NEK11: variants seen among roughly 807,000 people sequenced by gnomAD.
The protein encoded by NEK11 is NIMA related kinase 11.
Under a neutral mutation model 80.7 loss-of-function variants are expected in NEK11, and 72 were observed. That is an observed-to-expected ratio of 0.89 (90% confidence interval 0.74 to 1.08). The LOEUF (loss-of-function observed/expected upper bound fraction) is 1.08, where lower values mean the gene tolerates loss of function less well. NEK11 is among the 50% of genes least tolerant of loss of function. NEK11 has a pLI of 0.00. For missense variants in NEK11, 764 were observed against 763.6 expected (o/e 1.00, Z -0.01); for synonymous variants, 251 against 260.7 (o/e 0.96, Z 0.36).
chr3:131,123,682 C>G (rs2082778884), intron 5 of NEK11, among the ~76,000 whole-genome samples: 1 of 151,816 alleles, frequency 6.6e-6, no homozygotes, highest in Non-Finnish European at 1.5e-5. Context: ...TTCTGCTTGT[C>G]TAGTCTAGGT....
chr3:131,308,793 CT>C (rs1234605697), intron 17 of NEK11, among the ~76,000 whole-genome samples: 1 of 151,414 alleles, frequency 6.6e-6, no homozygotes, highest in Non-Finnish European at 1.5e-5. Context: ...CTGTCCCTGA[CT>C]TTTTTGACAC....
Position 131,339,180 on chromosome 3 carries a change from T to G in NEK11, c.1719-10377T>G, listed in dbSNP as rs866282550. Among the ~76,000 whole-genome samples, 15 of 152,328 alleles carry G rather than the reference T, an allele frequency of 9.8e-5. 1 individual carries two copies. The Middle Eastern group carries it at 0.01, about 104-fold the overall frequency. ...AGAATTTGCTTACTCAGATATTATT[T>G]TTAAAAGGAGTGAAATTCATGACTC... is the stretch of plus-strand genomic sequence containing the variant. On this transcript the variant is annotated intron_variant, in intron 17 of 17. Transcript: ENST00000383366.
chr3:131,158,481 C>T (rs1381840685), intron 10 of NEK11, among the ~76,000 whole-genome samples: 2 of 152,306 alleles, frequency 1.3e-5, no homozygotes, highest in African/African-American at 2.4e-5. Context: ...CTACCAGCAC[C>T]CTGCCCCTGT....
At chr3:131,229,909 A>G (rs1014893665) in intron 15 of NEK11, among the ~76,000 whole-genome samples, 5 of 152,086 alleles carry the variant, frequency 3.3e-5, no homozygotes, top group Admixed American at 1.3e-4. Flanking sequence ...CAAAATAAAA[A>G]CTTAGCTTAT....
At chr3:131,341,707 TTTC>T (rs1201821689) in intron 17 of NEK11, among the ~76,000 whole-genome samples, 2 of 152,212 alleles carry the variant, frequency 1.3e-5, no homozygotes, top group Non-Finnish European at 2.9e-5. Context: ...GAATTCTTTT[TTTC>T]TTCTTTGTGA....
At chr3:131,166,563 C>T (rs774514299) in intron 12 of NEK11, among the ~76,000 whole-genome samples, 1 of 152,242 alleles carries the variant, frequency 6.6e-6, no homozygotes, top group African/African-American at 2.4e-5. Context: ...TTTCAGGAGT[C>T]TTCCTCTGTT....
intron 16 of NEK11, among the ~76,000 whole-genome samples, chr3:131,249,153 G>A (rs2095656473): frequency 6.6e-6 from 1 of 152,012 alleles, no homozygotes; most frequent in African/African-American, 2.4e-5. Context: ...AAGAGGAGAT[G>A]GAAGCAGATG....
chr3:131,177,023 G>A (rs567801189), intron 14 of NEK11, among the ~76,000 whole-genome samples: 2 of 152,304 alleles, frequency 1.3e-5, no homozygotes, highest in Non-Finnish European at 2.9e-5. Flanking sequence ...AGAAACAAAT[G>A]TAATAGAGTA....
intron 17 of NEK11, among the ~76,000 whole-genome samples, chr3:131,337,378 C>A (rs1349555076): frequency 6.6e-6 from 1 of 151,744 alleles, no homozygotes; most frequent in East Asian, 1.9e-4. Flanking sequence ...AAACACCAAA[C>A]ACCGCATGTT....
chr3:131,249,192 A>G (rs2095657384), intron 16 of NEK11, among the ~76,000 whole-genome samples: 1 of 152,156 alleles, frequency 6.6e-6, no homozygotes. Flanking sequence ...AGAAAGATAT[A>G]AAGCAGATAG....
chr3:131,320,067 A>T (rs1192688369), intron 17 of NEK11, among the ~76,000 whole-genome samples: 1 of 152,108 alleles, frequency 6.6e-6, no homozygotes, highest in Non-Finnish European at 1.5e-5. Context: ...CTGTGATTTA[A>T]TTCTTTTTTT....
chr3:131,177,252 A>G (rs574981234), intron 14 of NEK11, among the ~76,000 whole-genome samples: 97 of 152,300 alleles, frequency 6.4e-4, no homozygotes, highest in African/African-American at 2.2e-3. Flanking sequence ...TGACTTTCCC[A>G]TGTGATTGCA....
At chr3:131,071,072 T>C (rs902777199) in intron 3 of NEK11, among the ~76,000 whole-genome samples, 4 of 152,218 alleles carry the variant, frequency 2.6e-5, no homozygotes, top group Admixed American at 2.0e-4. Context: ...TTACAATGGG[T>C]ATTATCATTT....
intron 16 of NEK11, among the ~76,000 whole-genome samples, chr3:131,271,599 A>G (rs1489568562): frequency 6.6e-6 from 1 of 151,810 alleles, no homozygotes; most frequent in Non-Finnish European, 1.5e-5. Context: ...GTTCGAGACT[A>G]GCCTGACCAA....
intron 7 of NEK11, among the ~76,000 whole-genome samples, chr3:131,144,675 T>A (rs1295250672): frequency 6.6e-6 from 1 of 152,198 alleles, no homozygotes; most frequent in East Asian, 1.9e-4. Context: ...AAACATCTTT[T>A]ACCTTTGAAT....
At chr3:131,227,399 C>G (rs2095230642) in intron 14 of NEK11, among the ~76,000 whole-genome samples, 1 of 152,040 alleles carries the variant, frequency 6.6e-6, no homozygotes, top group Admixed American at 6.6e-5. Context: ...CATGAGAATT[C>G]TATTACTCAA....
chr3:131,111,898 A>G (rs557104153), intron 5 of NEK11, among the ~76,000 whole-genome samples: 1 of 152,322 alleles, frequency 6.6e-6, no homozygotes, highest in African/African-American at 2.4e-5. Flanking sequence ...AAATGAGAGC[A>G]CAGACATCAA....
At chr3:131,296,302 A>C (rs2096592667) in intron 17 of NEK11, among the ~76,000 whole-genome samples, 1 of 152,200 alleles carries the variant, frequency 6.6e-6, no homozygotes, top group Non-Finnish European at 1.5e-5. Flanking sequence ...ACACATGCAC[A>C]CATAAGCATA....
At chr3:131,150,950 CT>C (rs1241036475) in intron 7 of NEK11, among the ~76,000 whole-genome samples, 2 of 151,804 alleles carry the variant, frequency 1.3e-5, no homozygotes, top group African/African-American at 4.8e-5. Flanking sequence ...ACTGTTTTTT[CT>C]GGGTATAGAA....
Sources: gnomAD v4.1 joint callset for allele counts (sites outside exome capture counted in the v4.1 genomes callset) on GRCh38, gnomAD v4.1.1 for gene constraint, MANE v1.5 for transcripts, NCBI Gene and HGNC (gene_info 2026-07-23, HGNC 2026-07-21) for gene names.